Variants in DOCK5 observed in about 807,000 individuals in gnomAD.
DOCK5 encodes dedicator of cytokinesis 5.
Under a neutral mutation model 251.8 loss-of-function variants are expected in DOCK5, and 142 were observed. The observed-to-expected ratio is 0.56, with a 90% CI of 0.49 to 0.65. The LOEUF is 0.65. Ranked by LOEUF, DOCK5 falls within the 30% of genes least tolerant of loss-of-function variation. The pLI is 0.00. For synonymous variants in DOCK5, 842 were observed against 835.5 expected (o/e 1.01, Z -0.13); for missense variants, 2,111 against 2,312.3 (o/e 0.91, Z 1.79).
chr8:25,263,583 C>T (rs749836194), intron 2 of DOCK5, among the ~76,000 whole-genome samples: 6 of 151,754 alleles, frequency 4.0e-5, no homozygotes, highest in Non-Finnish European at 7.4e-5. Context: ...CACTCATCCT[C>T]ATTAGCATGC....
In DOCK5 at chr8:25,415,235, A is replaced by C. The variant is rs917813596; in HGVS notation, c.*3937A>C. The C allele has an allele frequency of 1.3e-5, 2 of 152,192 alleles. No individual in the cohort carries two copies. The highest frequency in any genetic ancestry group is 2.9e-5 in the Non-Finnish European group (2 of 68,040). 9.4% of individuals were successfully genotyped at this position (152,192 alleles called of 1,614,324 possible). On this transcript the variant is annotated 3_prime_UTR_variant, in exon 52 of 52. Transcript: ENST00000276440. ...ACATCTTATAAACAATGTCATTTCC[A>C]TAGTAGTCTAAGGCTTCACCAGCCT...
At chr8:25,299,167 C>T in intron 8 of DOCK5, 66 bp downstream of exon 8, 3 of 1,543,796 alleles carry the variant, frequency 1.9e-6, no homozygotes, top group Non-Finnish European at 2.6e-6. Context: ...CTGACCCCTA[C>T]CCGGGCAGCT....
chr8:25,337,067 A>G (rs1207773033), intron 22 of DOCK5, among the ~76,000 whole-genome samples: 1 of 152,248 alleles, frequency 6.6e-6, no homozygotes, highest in Non-Finnish European at 1.5e-5. Flanking sequence ...CATATAGTAC[A>G]GATGAAAGTT....
At chr8:25,312,360 G>A (rs959101604) in intron 13 of DOCK5, among the ~76,000 whole-genome samples, 3 of 152,196 alleles carry the variant, frequency 2.0e-5, no homozygotes, top group Non-Finnish European at 4.4e-5. Context: ...TGAATAAGGT[G>A]AGTTTACCTT....
chr8:25,190,741 G>T (rs1402932849), intron 1 of DOCK5, among the ~76,000 whole-genome samples: 1 of 146,172 alleles, frequency 6.8e-6, no homozygotes, highest in African/African-American at 2.5e-5. Context: ...TAATTATAAT[G>T]ACCCGAAGAA....
intron 22 of DOCK5, among the ~76,000 whole-genome samples, chr8:25,338,008 G>A (rs1805857501): frequency 6.6e-6 from 1 of 151,974 alleles, no homozygotes; most frequent in African/African-American, 2.4e-5. Context: ...ATGCTAAAGT[G>A]TTTTTTTGTT....
Position 25,304,271 on chromosome 8 carries a change from T to C in DOCK5, c.993T>C (p.Asp331=). 6.2e-7 allele frequency: 1 copy of C among 1,609,494 alleles called. No individual in the cohort carries two copies. The highest frequency in any genetic ancestry group is 8.5e-7 in the Non-Finnish European group (1 of 1,178,030). Residue 331 remains aspartate (D), a synonymous_variant, in exon 11 of 52, where the codon GAT becomes GAC. Transcript: ENST00000276440. ...TTTTCCTAGTGATGGATATTACTGA[T>C]ATCATACATGGGAAGGTGGATGATG... is the stretch of plus-strand genomic sequence containing the variant. ...PFGVAVMDIT[D]IIHGKVDDEE...
intron 1 of DOCK5, among the ~76,000 whole-genome samples, chr8:25,218,199 T>G (rs968029610): frequency 6.6e-6 from 1 of 152,142 alleles, no homozygotes; most frequent in African/African-American, 2.4e-5. Flanking sequence ...TCTATGAAAG[T>G]TAAACTTTTT....
chr8:25,282,321 G>A (rs550108017), intron 5 of DOCK5, among the ~76,000 whole-genome samples: 56 of 151,832 alleles, frequency 3.7e-4, no homozygotes, highest in African/African-American at 1.3e-3. Flanking sequence ...CTGTATCAAA[G>A]TAGCAAACAT....
At chr8:25,342,286 G>A (rs1409132793) in intron 24 of DOCK5, 115 bp from the exon 25 acceptor site, 1 of 726,136 alleles carries the variant, frequency 1.4e-6, no homozygotes, top group Non-Finnish European at 2.3e-6. Flanking sequence ...TCATTTTGTA[G>A]TTTTCCAGGT....
In DOCK5 at chr8:25,195,251, CTTTTTTT is replaced by C. The variant is rs59704416; in HGVS notation, c.43+10318_43+10324del. 3.6e-4 allele frequency among the ~76,000 whole-genome samples: 38 copies of C among 106,212 alleles called. 1 individual carries two copies. Among genetic ancestry groups the C allele is most frequent in the South Asian group, 1.5e-3 (5 of 3,246 alleles). 69.7% of individuals were successfully genotyped at this position (106,212 alleles called of 152,430 possible). A position where few individuals can be genotyped will look rare whatever the true frequency, so the allele number is the denominator to read the frequency against. On this transcript the variant is annotated intron_variant, in intron 1 of 51. Transcript: ENST00000276440. Reference sequence around the variant, plus strand: ...GGTCTTCTAACTGGACTCCTTATCACTTTTTTTTTTTTTTTTTTTTTTTTAAGATGGG... The same window carrying C: ...GGTCTTCTAACTGGACTCCTTATCACTTTTTTTTTTTTTTTTTAAGATGGG...
At chr8:25,350,652 T>G (rs1800450937) in intron 26 of DOCK5, among the ~76,000 whole-genome samples, 1 of 152,172 alleles carries the variant, frequency 6.6e-6, no homozygotes, top group African/African-American at 2.4e-5. Context: ...GAGACTGAGT[T>G]TCTGAGATCA....
At chr8:25,375,685 A>G (rs1800951236) in intron 37 of DOCK5, 8 of 983,274 alleles carry the variant, frequency 8.1e-6, no homozygotes, top group Non-Finnish European at 9.7e-6. Context: ...TTTATATTTT[A>G]TACTAAAGTA....
chr8:25,377,753 A>G (rs1487380820), intron 38 of DOCK5, among the ~76,000 whole-genome samples: 1 of 152,178 alleles, frequency 6.6e-6, no homozygotes, highest in African/African-American at 2.4e-5. Context: ...GGCCAGCCAC[A>G]TGAAGGGACC....
At chr8:25,225,060 A>G (rs1366019533) in intron 1 of DOCK5, among the ~76,000 whole-genome samples, 1 of 152,224 alleles carries the variant, frequency 6.6e-6, no homozygotes, top group Non-Finnish European at 1.5e-5. Context: ...CATCCATTAG[A>G]ATGGCTGTTA....
chr8:25,282,849 C>CAAAAAAAAAAA (rs56687628), intron 5 of DOCK5, among the ~76,000 whole-genome samples: 2 of 39,588 alleles, frequency 5.1e-5, no homozygotes, highest in African/African-American at 1.7e-4. Context: ...GACCCTTTCT[C>CAAAAAAAAAAA]AAAAAAAAAA....
intron 1 of DOCK5, among the ~76,000 whole-genome samples, chr8:25,237,718 C>T (rs1198748502): frequency 1.3e-5 from 2 of 152,316 alleles, no homozygotes; most frequent in South Asian, 4.1e-4. Flanking sequence ...TACAGCAACT[C>T]CCGGTTCTTG....
Position 25,310,536 on chromosome 8 carries a change from A to C in DOCK5, c.1318+4A>C. ...TTTCCTGAAATCATACTGCCAGGTA[A>C]GCACTTTGCATGGCTCACCTGTTTG... is the stretch of plus-strand genomic sequence containing the variant. On this transcript the variant is annotated splice_donor_region_variant and intron_variant, in intron 13 of 51. Coordinates refer to ENST00000276440, the MANE Select transcript of DOCK5 (RefSeq NM_024940.8). The C allele has an allele frequency of 6.2e-7, 1 of 1,608,080 alleles. No individual in the cohort carries two copies. The highest frequency in any genetic ancestry group is 8.5e-7 in the Non-Finnish European group (1 of 1,177,188).
chr8:25,282,919 T>A (rs1760503572), intron 5 of DOCK5, among the ~76,000 whole-genome samples: 1 of 140,268 alleles, frequency 7.1e-6, no homozygotes, highest in Admixed American at 7.1e-5. Context: ...ATTTCTATAG[T>A]ACATTTCCTT....
Sources: gnomAD v4.1 joint callset for allele counts (sites outside exome capture counted in the v4.1 genomes callset) on GRCh38, gnomAD v4.1.1 for gene constraint, MANE v1.5 for transcripts, NCBI Gene and HGNC (gene_info 2026-07-23, HGNC 2026-07-21) for gene names.